PARD3: variants seen among roughly 807,000 people sequenced by gnomAD.
The protein encoded by PARD3 is partitioning defective 3 homolog.
A neutral mutation model predicts 155.4 loss-of-function variants in PARD3; 75 were observed. That is an observed-to-expected ratio of 0.48 (90% confidence interval 0.40 to 0.58). The LOEUF (loss-of-function observed/expected upper bound fraction) is 0.58, where lower values mean the gene tolerates loss of function less well. PARD3 is among the 20% of genes least tolerant of loss of function. The probability of loss-of-function intolerance (pLI) is 0.00; values close to 1 mark genes in which losing one functional copy is unlikely to be tolerated. For synonymous variants in PARD3, 576 were observed against 610.5 expected (o/e 0.94, Z 0.83); for missense variants, 1,642 against 1,721.7 (o/e 0.95, Z 0.82).
At chr10:34,608,173 G>A (rs975999536) in intron 2 of PARD3, among the ~76,000 whole-genome samples, 4 of 152,150 alleles carry the variant, frequency 2.6e-5, no homozygotes, top group Admixed American at 2.6e-4. Context: ...AGCCATCAGA[G>A]CAGGGGATTT....
At chr10:34,331,442 T>C in intron 18 of PARD3, 98 bp from the exon 19 acceptor site, 1 of 672,868 alleles carries the variant, frequency 1.5e-6, no homozygotes, top group East Asian at 2.7e-5. Flanking sequence ...AACAATTATT[T>C]GCTCAATGAT....
intron 15 of PARD3, chr10:34,345,109 T>C (rs778432033): frequency 7.1e-6 from 7 of 984,184 alleles, no homozygotes; most frequent in Non-Finnish European, 8.4e-6. Flanking sequence ...ATCTCAGCAT[T>C]CCCCAGAGAG....
At chr10:34,459,394 A>G (rs1031276130) in intron 4 of PARD3, among the ~76,000 whole-genome samples, 1 of 151,596 alleles carries the variant, frequency 6.6e-6, no homozygotes, top group African/African-American at 2.4e-5. Flanking sequence ...GATGGTCTCA[A>G]CCTCCTGACC....
At chr10:34,339,429 T>C (rs1360739636) in intron 16 of PARD3, among the ~76,000 whole-genome samples, 2 of 152,290 alleles carry the variant, frequency 1.3e-5, no homozygotes, top group Non-Finnish European at 2.9e-5. Context: ...CAGAATGCAT[T>C]TGAAATACAG....
intron 2 of PARD3, among the ~76,000 whole-genome samples, chr10:34,589,978 T>C (rs1435160660): frequency 1.3e-5 from 2 of 152,194 alleles, no homozygotes; most frequent in Non-Finnish European, 1.5e-5. Flanking sequence ...CAACCTCCAT[T>C]TTTGGTATTT....
intron 2 of PARD3, among the ~76,000 whole-genome samples, chr10:34,518,798 A>C (rs2081946457): frequency 6.6e-6 from 1 of 152,314 alleles, no homozygotes; most frequent in Non-Finnish European, 1.5e-5. Flanking sequence ...ATGGGTGTGA[A>C]TATGATAATA....
chr10:34,175,188 A>G (rs550612021), intron 22 of PARD3, among the ~76,000 whole-genome samples: 1 of 152,336 alleles, frequency 6.6e-6, no homozygotes, highest in Non-Finnish European at 1.5e-5. Context: ...GCCTTTATAT[A>G]CACAAAACCC....
intron 22 of PARD3, among the ~76,000 whole-genome samples, chr10:34,237,772 C>T (rs567634627): frequency 4.6e-5 from 7 of 152,242 alleles, no homozygotes; most frequent in South Asian, 2.1e-4. Context: ...TCTCCATGTA[C>T]GTAGGATTGG....
At chr10:34,278,032 C>T (rs1402630598) in intron 21 of PARD3, among the ~76,000 whole-genome samples, 2 of 152,134 alleles carry the variant, frequency 1.3e-5, no homozygotes, top group Non-Finnish European at 2.9e-5. Flanking sequence ...TCTATTTTAA[C>T]AATTGATTAT....
chr10:34,468,839 G>A (rs564168878), intron 4 of PARD3, among the ~76,000 whole-genome samples: 9 of 152,092 alleles, frequency 5.9e-5, no homozygotes, highest in South Asian at 2.1e-4. Context: ...ATTTAAAACA[G>A]GTATTTTTAT....
intron 22 of PARD3, among the ~76,000 whole-genome samples, chr10:34,204,356 T>C (rs1189922973): frequency 6.6e-6 from 1 of 152,268 alleles, no homozygotes; most frequent in East Asian, 1.9e-4. Flanking sequence ...ACCTTACATA[T>C]GGTCCAGTGG....
chr10:34,344,721 C>A (rs936753312), intron 15 of PARD3: 2 of 985,232 alleles, frequency 2.0e-6, no homozygotes, highest in African/African-American at 3.5e-5. Flanking sequence ...ATTACAAAAT[C>A]CATGATTGTG....
intron 3 of PARD3, among the ~76,000 whole-genome samples, chr10:34,477,317 C>A (rs1411167782): frequency 6.6e-6 from 1 of 152,074 alleles, no homozygotes; most frequent in Non-Finnish European, 1.5e-5. Flanking sequence ...CAAAGTATAT[C>A]CTCTGAAATA....
chr10:34,398,901 T>C (rs1250395406), intron 7 of PARD3, among the ~76,000 whole-genome samples: 1 of 152,180 alleles, frequency 6.6e-6, no homozygotes, highest in African/African-American at 2.4e-5. Flanking sequence ...ACTCATAAAA[T>C]TGAAGAACTA....
chr10:34,359,264 C>G lies in PARD3; in HGVS notation c.1950G>C (p.Leu650=). 6.2e-7 allele frequency: 1 copy of G among 1,613,922 alleles called. No individual in the cohort carries two copies. The highest frequency in any genetic ancestry group is 1.1e-5 in the South Asian group (1 of 91,066). The change falls in exon 14 of 25, where the codon CTG becomes CTC. Residue 650 remains leucine, a synonymous_variant. Coordinates refer to ENST00000374788, the MANE Select transcript of PARD3 (RefSeq NM_001184785.2). ...TGGCATCTTGGTTTGTCTTGCCCAA[C>G]AGGGATTCTCCATTTACTGCTATCA... is the stretch of plus-strand genomic sequence containing the variant. The part of the protein sequence containing the change: ...DQLIAVNGES[L]LGKTNQDAME...
chr10:34,476,051 G>A (rs2078684625), intron 3 of PARD3, among the ~76,000 whole-genome samples: 1 of 151,886 alleles, frequency 6.6e-6, no homozygotes, highest in Non-Finnish European at 1.5e-5. Flanking sequence ...TACTGAAGGA[G>A]GCTGAAGCAG....
intron 1 of PARD3, among the ~76,000 whole-genome samples, chr10:34,791,034 C>G (rs753915967): frequency 1.9e-4 from 29 of 152,220 alleles, no homozygotes; most frequent in Non-Finnish European, 3.4e-4. Context: ...AAATAACTCA[C>G]TTGGAAAAAA....
chr10:34,450,756 A>G (rs752013548), intron 4 of PARD3, among the ~76,000 whole-genome samples: 2 of 152,138 alleles, frequency 1.3e-5, no homozygotes, highest in Non-Finnish European at 2.9e-5. Context: ...ACGTACACCA[A>G]AAAGTGAAAA....
chr10:34,630,625 A>AT (rs1482446448), intron 2 of PARD3, among the ~76,000 whole-genome samples: 3 of 151,216 alleles, frequency 2.0e-5, no homozygotes, highest in African/African-American at 7.3e-5. Context: ...TAATTTTTGT[A>AT]TTTTTTGTGG....
Sources: gnomAD v4.1 joint callset for allele counts (sites outside exome capture counted in the v4.1 genomes callset) on GRCh38, gnomAD v4.1.1 for gene constraint, MANE v1.5 for transcripts, NCBI Gene and HGNC (gene_info 2026-07-23, HGNC 2026-07-21) for gene names.